The following ANK2 variants were observed in gnomAD, a reference collection of about 807,000 sequenced individuals.
ANK2 encodes the protein ankyrin-2.
In ANK2, 83 loss-of-function variants were observed where a neutral mutation model predicts 360.5. The observed-to-expected ratio is 0.23, with a 90% CI of 0.19 to 0.28. ANK2 has a LOEUF of 0.28. Among genes scored for constraint, ANK2 ranks in the 10% least tolerant of loss-of-function variants. ANK2 has a pLI of 1.00. For missense variants in ANK2, 4,201 were observed against 4,795.7 expected, an observed-to-expected ratio of 0.88 and a Z score of 3.66; for synonymous variants, 1,740 against 1,759.5, an observed-to-expected ratio of 0.99 and a Z score of 0.28.
intron 1 of ANK2, among the ~76,000 whole-genome samples, chr4:112,867,044 A>G (rs1452559334): frequency 1.3e-5 from 2 of 151,972 alleles, no homozygotes; most frequent in Non-Finnish European, 2.9e-5. Flanking sequence ...CTTCTTGAAT[A>G]CACTTTAAAA....
rs1489947974 is a variant in ANK2, at chr4:113,021,541, C to CACACACACACACATATATATATATAT, written c.21+117028_21+117029insCACACACACACATATATATATATATA. On this transcript the variant is annotated intron_variant, in intron 2 of 30. Transcript: ENST00000503271. ...ATACACACACACACCCACACACAAA[C>CACACACACACACATATATATATATAT]ATATATATATATATATATATATATA... 1.6e-3 allele frequency among the ~76,000 whole-genome samples: 154 copies of CACACACACACACATATATATATATAT among 95,614 alleles called. 29 individuals are homozygous for CACACACACACACATATATATATATAT. The highest frequency in any genetic ancestry group is 2.7e-3 in the Non-Finnish European group (117 of 44,112). 62.7% of individuals were successfully genotyped at this position (95,614 alleles called of 152,430 possible).
At chr4:113,342,508 C>A (rs1019277748) in intron 33 of ANK2, among the ~76,000 whole-genome samples, 3 of 152,056 alleles carry the variant, frequency 2.0e-5, no homozygotes, top group African/African-American at 7.2e-5. Flanking sequence ...CGAGACCAAC[C>A]TGGCCAACAT....
At chr4:113,239,673 AT>A (rs1280448653) in intron 7 of ANK2, among the ~76,000 whole-genome samples, 2 of 152,102 alleles carry the variant, frequency 1.3e-5, no homozygotes, top group African/African-American at 4.8e-5. Flanking sequence ...AAGGAAATAT[AT>A]TTTTTTCATT....
At chr4:112,999,141 T>C (rs1239601938) in intron 2 of ANK2, among the ~76,000 whole-genome samples, 1 of 152,222 alleles carries the variant, frequency 6.6e-6, no homozygotes, top group African/African-American at 2.4e-5. Flanking sequence ...TTCTTGTCAT[T>C]ATTTCTCTCC....
chr4:113,286,301 A>C (rs1006435517), intron 18 of ANK2, among the ~76,000 whole-genome samples: 2 of 152,164 alleles, frequency 1.3e-5, no homozygotes, highest in African/African-American at 4.8e-5. Context: ...AGTGAAGAAA[A>C]TTTTAATAGA....
upstream of ANK2, among the ~76,000 whole-genome samples, chr4:112,817,640 T>C (rs747223530): frequency 1.3e-5 from 2 of 150,718 alleles, no homozygotes. Flanking sequence ...TAAACATATA[T>C]ATATGTATAT....
intron 1 of ANK2, among the ~76,000 whole-genome samples, chr4:112,837,755 G>A (rs1010827886): frequency 6.6e-6 from 1 of 152,174 alleles, no homozygotes; most frequent in Non-Finnish European, 1.5e-5. Flanking sequence ...GATTTGCATG[G>A]GTCCTGTGGC....
chr4:113,150,078 C>T (rs1236214298), intron 1 of ANK2, among the ~76,000 whole-genome samples: 1 of 151,758 alleles, frequency 6.6e-6, no homozygotes, highest in Non-Finnish European at 1.5e-5. Flanking sequence ...GGGATCAGTG[C>T]AGGCCTCGGT....
intron 1 of ANK2, among the ~76,000 whole-genome samples, chr4:113,156,778 T>A (rs2097314487): frequency 1.3e-5 from 1 of 76,310 alleles, no homozygotes; most frequent in South Asian, 3.0e-4. Flanking sequence ...TTTTCAAATG[T>A]CCTATATATA....
intron 17 of ANK2, among the ~76,000 whole-genome samples, chr4:113,280,082 T>A (rs577894609): frequency 6.6e-6 from 1 of 152,290 alleles, no homozygotes; most frequent in South Asian, 2.1e-4. Flanking sequence ...CATTTTTTTT[T>A]TCATTAGCTT....
Position 113,332,034 on chromosome 4 carries a change from T to G in ANK2, c.3188T>G (p.Ile1063Ser). ...LNEGESLVSR[I>S]LQLGPPGTKF... ...GAGGGAGAAAGTTTGGTCAGCCGCA[T>G]TCTTCAGCTGGGGCCTCCTGGAACC... The change falls in exon 28 of 46, where the codon ATT becomes AGT. Residue 1063 changes from isoleucine to serine, a missense_variant. Physicochemically the swap from Ile to Ser is moderately radical, Grantham distance 142. Around this residue, in one of 4 missense-constraint regions of ANK2, gnomAD observed 1,268 missense variants for 1,650.8 expected, o/e 0.77. Transcript: ENST00000357077. The G allele has an allele frequency of 6.2e-7, 1 of 1,614,202 alleles. No individual in the cohort carries two copies. Among genetic ancestry groups the G allele is most frequent in the South Asian group, 1.1e-5 (1 of 91,086 alleles).
chr4:112,958,413 G>A (rs1211849050), intron 2 of ANK2, among the ~76,000 whole-genome samples: 2 of 152,188 alleles, frequency 1.3e-5, no homozygotes, highest in Non-Finnish European at 2.9e-5. Flanking sequence ...CCAACACAGC[G>A]AAACCCCATC....
rs1356610948 is a variant in ANK2, at chr4:113,365,046, C to A, written c.10896C>A (p.Asn3632Lys). 6.2e-7 allele frequency: 1 copy of A among 1,613,778 alleles called. No individual in the cohort carries two copies. Among genetic ancestry groups the A allele is most frequent in the Non-Finnish European group, 8.5e-7 (1 of 1,179,826 alleles). Residue 3632 changes from asparagine to lysine, a missense_variant, in exon 41 of 46, where the codon AAC (asparagine) becomes AAA (lysine). Physicochemically the swap from Asn to Lys is moderately conservative, Grantham distance 94. Transcript: ENST00000357077. The stretch of plus-strand genomic sequence containing the variant: ...GTTTCTCTAATGTGTCAGATACCAA[C>A]CTCGTTGAATGTCTCACCAAGATCA... The part of the protein sequence containing the change: ...ERDGKHATDT[N>K]LVECLTKINR...
At chr4:112,830,858 C>T (rs72906881) in intron 1 of ANK2, among the ~76,000 whole-genome samples, 2,699 of 152,266 alleles carry the variant, frequency 0.018, 47 homozygotes, top group East Asian at 0.048. Flanking sequence ...CAGGCCAGCA[C>T]GGGTTCCAGG....
intron 1 of ANK2, among the ~76,000 whole-genome samples, chr4:112,850,249 CATCTATCTATCTATCTATCTATCTATCT>C (rs200885271): frequency 0.091 from 12,654 of 138,954 alleles, 796 homozygotes; most frequent in African/African-American, 0.18. Context: ...TAAGAAATTT[CATCTATCTATCTATCTATCTATCTATCT>C]ATCTATCTAT....
rs755462825 is a variant in ANK2 at position 113,199,074 on chromosome 4, G to C, written c.349G>C (p.Val117Leu). 5 of 1,613,178 alleles carry C rather than the reference G, an allele frequency of 3.1e-6. No individual in the cohort carries two copies. The highest frequency in any genetic ancestry group is 4.2e-6 in the Non-Finnish European group (5 of 1,179,352). Residue 117 changes from valine (V) to leucine (L), a missense_variant, in exon 4 of 46, where the codon GTT (valine) becomes CTT (leucine). Val to Leu is a conservative substitution (Grantham distance 32, BLOSUM62 1). Transcript: ENST00000357077. ...ACAAGCAGAAGTTGTCAAAGTTCTT[G>C]TTAAGGAAGGAGCCAATATTAATGC... ...AGQAEVVKVLVKEGANINAQS... is the reference protein window; with the variant it reads ...AGQAEVVKVLLKEGANINAQS...
chr4:112,868,628 A>G (rs557789972), intron 1 of ANK2, among the ~76,000 whole-genome samples: 50 of 152,372 alleles, frequency 3.3e-4, no homozygotes, highest in African/African-American at 1.0e-3. Flanking sequence ...AGCAATGTCT[A>G]TTCAAATTTG....
chr4:112,712,076 T>TTTTA, the ANK2 span, among the ~76,000 whole-genome samples: 10 of 148,772 alleles, frequency 6.7e-5, no homozygotes, highest in East Asian at 7.8e-4. Flanking sequence ...ATATATTTAT[T>TTTTA]TTTATTTATT....
chr4:112,942,084 A>G (rs2094266345), intron 2 of ANK2, among the ~76,000 whole-genome samples: 1 of 152,000 alleles, frequency 6.6e-6, no homozygotes, highest in Non-Finnish European at 1.5e-5. Context: ...TTCTATAATC[A>G]ACATTACTTT....
Sources: gnomAD v4.1 joint callset for allele counts (sites outside exome capture counted in the v4.1 genomes callset) on GRCh38, gnomAD v4.1.1 for gene constraint, gnomAD v4.1.1 regional missense constraint, MANE v1.5 for transcripts, NCBI Gene and HGNC (gene_info 2026-07-23, HGNC 2026-07-21) for gene names.